Variants in ERC2 observed in about 807,000 individuals in gnomAD.
ERC2 encodes the protein ERC protein 2.
ERC2 carries 42 observed loss-of-function variants against 114.8 expected under a neutral mutation model. That is an observed-to-expected ratio of 0.37 (90% CI 0.29 to 0.47). The LOEUF (loss-of-function observed/expected upper bound fraction) is 0.47. ERC2 is among the 20% of genes least tolerant of loss of function. The pLI is 0.99. For synonymous variants in ERC2, 454 were observed against 425.5 expected, an observed-to-expected ratio of 1.07 and a Z score of -0.82; for missense variants, 939 against 1,150.7, an observed-to-expected ratio of 0.82 and a Z score of 2.66.
intron 14 of ERC2, among the ~76,000 whole-genome samples, chr3:55,840,730 A>T (rs2061094820): frequency 6.6e-6 from 1 of 152,140 alleles, no homozygotes; most frequent in Non-Finnish European, 1.5e-5. Flanking sequence ...AAACAATCCA[A>T]ATGTGCGGCA....
chr3:55,952,998 C>T (rs922894063), intron 12 of ERC2, among the ~76,000 whole-genome samples: 2 of 152,034 alleles, frequency 1.3e-5, no homozygotes, highest in Non-Finnish European at 2.9e-5. Context: ...TCGAGACCAT[C>T]CTGGCTAACA....
intron 6 of ERC2, among the ~76,000 whole-genome samples, chr3:56,128,308 T>C (rs2080004341): frequency 6.6e-6 from 1 of 152,156 alleles, no homozygotes; most frequent in South Asian, 2.1e-4. Context: ...TTATTTTCAA[T>C]AATCATATTA....
intron 6 of ERC2, among the ~76,000 whole-genome samples, chr3:56,130,968 G>C (rs1312291051): frequency 6.6e-6 from 1 of 152,108 alleles, no homozygotes; most frequent in Non-Finnish European, 1.5e-5. Flanking sequence ...TTAATAAAAA[G>C]AGAATCAAAA....
chr3:56,032,889 G>GAAAGAA (rs1560055876), intron 7 of ERC2, among the ~76,000 whole-genome samples: 17 of 88,598 alleles, frequency 1.9e-4, no homozygotes, highest in Admixed American at 4.5e-4. Context: ...GAAAGAAAGA[G>GAAAGAA]AGAGAGAGAG....
rs368440976 is a variant in ERC2 at position 55,994,149 on chromosome 3, C to T, written c.2062-1899G>A. Among the ~76,000 whole-genome samples the T allele has an allele frequency of 5.2e-4, 79 of 152,050 alleles. No individual in the cohort carries two copies. In the South Asian group the frequency reaches 0.014, roughly 26 times the overall value. ...CTTTTACAGCAGTTAAAAACCTTTT[C>T]ATGACATTTCTTGAACTATCCAAAC... On this transcript the variant is annotated intron_variant, in intron 10 of 17. Coordinates refer to ENST00000288221, the MANE Select transcript of ERC2 (RefSeq NM_015576.3).
chr3:56,165,036 A>G (rs1000386433), intron 4 of ERC2, among the ~76,000 whole-genome samples: 1 of 151,996 alleles, frequency 6.6e-6, no homozygotes, highest in Non-Finnish European at 1.5e-5. Context: ...TAGACTTTCA[A>G]AATGATGAAT....
chr3:56,059,177 GC>G (rs1235249578), intron 7 of ERC2, among the ~76,000 whole-genome samples: 3 of 151,144 alleles, frequency 2.0e-5, no homozygotes, highest in South Asian at 4.2e-4. Context: ...TGCAACCTCC[GC>G]CCCCCAGGTT....
At chr3:55,931,941 C>T (rs1468427018) in intron 13 of ERC2, among the ~76,000 whole-genome samples, 1 of 152,092 alleles carries the variant, frequency 6.6e-6, no homozygotes, top group Non-Finnish European at 1.5e-5. Context: ...ATTTTTACTT[C>T]TTTTTTCAAC....
intron 14 of ERC2, among the ~76,000 whole-genome samples, chr3:55,868,418 C>T (rs1035626563): frequency 2.0e-5 from 3 of 152,172 alleles, no homozygotes; most frequent in Non-Finnish European, 4.4e-5. Context: ...GTTCTGGTGC[C>T]ATTGAGGCCG....
chr3:55,744,206 C>A (rs891614387), intron 14 of ERC2, among the ~76,000 whole-genome samples: 15 of 152,162 alleles, frequency 9.9e-5, no homozygotes, highest in African/African-American at 3.4e-4. Flanking sequence ...AGTTCGAGAC[C>A]AACCTGGCCA....
At chr3:55,732,186 T>A (rs528395281) in intron 15 of ERC2, among the ~76,000 whole-genome samples, 2 of 152,098 alleles carry the variant, frequency 1.3e-5, no homozygotes, top group Admixed American at 6.6e-5. Flanking sequence ...GGACAACATC[T>A]CTGAGGGACA....
intron 10 of ERC2, among the ~76,000 whole-genome samples, chr3:55,998,135 A>T (rs962774564): frequency 6.6e-6 from 1 of 151,410 alleles, no homozygotes; most frequent in Non-Finnish European, 1.5e-5. Context: ...AATATTCAAA[A>T]ATTTGTGTAT....
At chr3:56,441,778 C>G (rs773121868) in intron 1 of ERC2, among the ~76,000 whole-genome samples, 2 of 152,222 alleles carry the variant, frequency 1.3e-5, no homozygotes, top group Admixed American at 1.3e-4. Context: ...AACTCCTAAC[C>G]TCAAGTGATC....
intron 7 of ERC2, among the ~76,000 whole-genome samples, chr3:56,063,268 G>A (rs1200345711): frequency 6.6e-6 from 1 of 152,170 alleles, no homozygotes; most frequent in Non-Finnish European, 1.5e-5. Context: ...TTACAGAAGT[G>A]CCCCGTGTCA....
chr3:55,607,422 C>A (rs1397166381), intron 17 of ERC2, among the ~76,000 whole-genome samples: 1 of 151,986 alleles, frequency 6.6e-6, no homozygotes. Flanking sequence ...TTGGCTGGTC[C>A]GAAGGGCTGA....
intron 6 of ERC2, among the ~76,000 whole-genome samples, chr3:56,113,096 T>C (rs939353031): frequency 6.6e-6 from 1 of 152,236 alleles, no homozygotes; most frequent in Non-Finnish European, 1.5e-5. Flanking sequence ...TTAATATCCA[T>C]TCTGAAAATT....
intron 2 of ERC2, among the ~76,000 whole-genome samples, chr3:56,406,977 AT>A (rs1379089217): frequency 6.6e-6 from 1 of 152,154 alleles, no homozygotes; most frequent in African/African-American, 2.4e-5. Flanking sequence ...TTCCCAGTGG[AT>A]TCTTGAACTT....
At chr3:55,949,140 C>A (rs1403974320) in intron 13 of ERC2, among the ~76,000 whole-genome samples, 2 of 151,922 alleles carry the variant, frequency 1.3e-5, no homozygotes, top group Admixed American at 1.3e-4. Context: ...GAGGCCGAGG[C>A]GGGCGGATCA....
At chr3:55,878,857 T>G (rs1324301251) in intron 14 of ERC2, among the ~76,000 whole-genome samples, 2 of 152,228 alleles carry the variant, frequency 1.3e-5, no homozygotes, top group African/African-American at 4.8e-5. Flanking sequence ...AAGGCAGGGA[T>G]AGTGAAGGAC....
Sources: allele counts gnomAD v4.1 joint callset (sites outside exome capture counted in the v4.1 genomes callset), GRCh38; gene constraint gnomAD v4.1.1; transcripts MANE v1.5; gene names NCBI Gene and HGNC (gene_info 2026-07-23, HGNC 2026-07-21).